The following FMNL2 variants were observed in gnomAD, a reference collection of about 807,000 sequenced individuals.
FMNL2 encodes the protein formin-like protein 2.
FMNL2 carries 51 observed loss-of-function variants against 130.2 expected under a neutral mutation model. That is an observed-to-expected ratio of 0.39 (90% CI 0.31 to 0.49). The LOEUF is 0.49. FMNL2 is among the 20% of genes least tolerant of loss of function. The pLI, the probability that FMNL2 is intolerant of heterozygous loss-of-function variation, is 0.85. For synonymous variants in FMNL2, 465 were observed against 467.1 expected (o/e 1.00, Z 0.06); for missense variants, 977 against 1,316.2 (o/e 0.74, Z 3.99).
At chr2:152,540,352 C>T (rs1694242141) in intron 2 of FMNL2, among the ~76,000 whole-genome samples, 2 of 152,056 alleles carry the variant, frequency 1.3e-5, no homozygotes. Context: ...AGTTTATACA[C>T]AGACACAGTG....
Position 152,619,146 on chromosome 2 carries a change from A to G in FMNL2, c.1615A>G (p.Thr539Ala). The change falls in exon 14 of 26, where the codon ACA becomes GCA. Residue 539 changes from threonine (T) to alanine (A), a missense_variant. Around this residue, in one of 4 missense-constraint regions of FMNL2, gnomAD observed 689 missense variants for 995.9 expected, o/e 0.69. Transcript: ENST00000288670. Reference sequence around the variant, plus strand: ...ACCACCACTGCCTCCCTCATCAGACACACCTGAAACAGGTAAGAAGCCTTG... The same window carrying G: ...ACCACCACTGCCTCCCTCATCAGACGCACCTGAAACAGGTAAGAAGCCTTG... ...PPPPLPPSSD[T>A]PETVQNGPVT... 1 of 1,558,154 alleles carries G rather than the reference A, an allele frequency of 6.4e-7. No individual in the cohort carries two copies. Among genetic ancestry groups the G allele is most frequent in the Non-Finnish European group, 8.7e-7 (1 of 1,155,680 alleles).
At chr2:152,550,409 C>A (rs1280994282) in intron 4 of FMNL2, among the ~76,000 whole-genome samples, 2 of 152,042 alleles carry the variant, frequency 1.3e-5, no homozygotes, top group East Asian at 1.9e-4. Context: ...GGCTATAGAA[C>A]AAAGAATCAT....
Position 152,335,657 on chromosome 2 carries a change from C to G in FMNL2, c.54C>G (p.Asn18Lys). Residue 18 changes from asparagine to lysine, a missense_variant, in exon 1 of 26, where the codon AAC becomes AAG. Asn to Lys is a moderately conservative substitution (Grantham distance 94, BLOSUM62 0). Coordinates refer to ENST00000288670, the MANE Select transcript of FMNL2 (RefSeq NM_052905.4). The part of the protein sequence containing the change: ...DSQQTDFRAH[N>K]VPLKLPMPEP... ...AGCAGACCGATTTCAGGGCGCACAA[C>G]GTGCCTTTGAAGCTGCCGATGCCAG... The G allele has an allele frequency of 1.3e-6, 2 of 1,594,288 alleles. No individual in the cohort carries two copies.
chr2:152,443,857 G>C (rs1297093840), intron 1 of FMNL2, among the ~76,000 whole-genome samples: 10 of 151,308 alleles, frequency 6.6e-5, no homozygotes, highest in Non-Finnish European at 1.3e-4. Flanking sequence ...AAGAAAAAAA[G>C]AAAAAAAAGG....
At chr2:152,357,727 A>G (rs1379898811) in intron 1 of FMNL2, among the ~76,000 whole-genome samples, 1 of 152,206 alleles carries the variant, frequency 6.6e-6, no homozygotes, top group Non-Finnish European at 1.5e-5. Flanking sequence ...AGAAACATAC[A>G]TAGCACAGTT....
At chr2:152,356,864 A>T (rs1426490974) in intron 1 of FMNL2, among the ~76,000 whole-genome samples, 1 of 151,600 alleles carries the variant, frequency 6.6e-6, no homozygotes, top group Non-Finnish European at 1.5e-5. Flanking sequence ...GTATATTGGT[A>T]AGCTTCTTTC....
At chr2:152,486,705 G>A (rs961673444) in intron 1 of FMNL2, among the ~76,000 whole-genome samples, 2 of 152,218 alleles carry the variant, frequency 1.3e-5, no homozygotes, top group African/African-American at 4.8e-5. Context: ...AGAGGATTAA[G>A]AGGCTTGAAC....
intron 2 of FMNL2, among the ~76,000 whole-genome samples, chr2:152,537,239 T>G (rs1407113962): frequency 6.6e-6 from 1 of 152,214 alleles, no homozygotes; most frequent in East Asian, 1.9e-4. Flanking sequence ...AGCCCGTCAC[T>G]TAGTTCTTTT....
chr2:152,356,943 T>TTACA (rs1553866286), intron 1 of FMNL2, among the ~76,000 whole-genome samples: 1 of 148,102 alleles, frequency 6.8e-6, no homozygotes, highest in East Asian at 2.0e-4. Context: ...ATAATATATA[T>TTACA]TAAGTAATAT....
chr2:152,441,971 C>G (rs1271714407), intron 1 of FMNL2, among the ~76,000 whole-genome samples: 2 of 151,926 alleles, frequency 1.3e-5, no homozygotes, highest in African/African-American at 4.8e-5. Context: ...CAGTGTGTGT[C>G]TGTGTGTGTT....
chr2:152,582,740 A>T (rs1473357003), intron 9 of FMNL2, among the ~76,000 whole-genome samples: 1 of 152,222 alleles, frequency 6.6e-6, no homozygotes, highest in Non-Finnish European at 1.5e-5. Context: ...AAAGAGAAAC[A>T]GTATGTGCAG....
chr2:152,414,277 T>G (rs1210045083), intron 1 of FMNL2, among the ~76,000 whole-genome samples: 1 of 152,180 alleles, frequency 6.6e-6, no homozygotes, highest in Non-Finnish European at 1.5e-5. Context: ...ACCTCTTTGT[T>G]TTTTGTATAT....
At chr2:152,581,647 G>C (rs780565222) in intron 9 of FMNL2, among the ~76,000 whole-genome samples, 2 of 152,112 alleles carry the variant, frequency 1.3e-5, no homozygotes, top group Non-Finnish European at 2.9e-5. Flanking sequence ...CCCTGCCCCA[G>C]TGTATCCAAA....
chr2:152,407,707 C>T (rs546426513), intron 1 of FMNL2, among the ~76,000 whole-genome samples: 2 of 152,282 alleles, frequency 1.3e-5, no homozygotes, highest in East Asian at 1.9e-4. Context: ...AATGAGAGTA[C>T]AATTTCATGG....
chr2:152,464,349 T>G (rs902934504), intron 1 of FMNL2, among the ~76,000 whole-genome samples: 3 of 152,246 alleles, frequency 2.0e-5, no homozygotes, highest in African/African-American at 7.2e-5. Context: ...TGGCTGGCTT[T>G]AAACATGTTC....
At chr2:152,549,197 T>A in intron 4 of FMNL2, 100 bp downstream of exon 4, 1 of 759,700 alleles carries the variant, frequency 1.3e-6, no homozygotes. Context: ...TGGGCCATTA[T>A]AAATTAAAAG....
At chr2:152,629,594 A>T in intron 18 of FMNL2, 62 bp from the exon 19 acceptor site, 1 of 1,455,396 alleles carries the variant, frequency 6.9e-7, no homozygotes, top group South Asian at 1.2e-5. Flanking sequence ...TTTACTTGCC[A>T]ATTAGTTTCC....
chr2:152,648,066 C>T lies in FMNL2; in HGVS notation c.*161C>T, dbSNP rs1456374963. 3 of 618,172 alleles carry T rather than the reference C, an allele frequency of 4.9e-6. No individual in the cohort carries two copies. Among genetic ancestry groups the T allele is most frequent in the African/African-American group, 1.9e-5 (1 of 53,248 alleles). 38.3% of individuals were successfully genotyped at this position (618,172 alleles called of 1,614,324 possible). Reference sequence around the variant, plus strand: ...AGAATTTTAAAATGAGCTCTCCTTTCAACCCTTGTTAACAAGTGCCTAAAA... The same window carrying T: ...AGAATTTTAAAATGAGCTCTCCTTTTAACCCTTGTTAACAAGTGCCTAAAA... On this transcript the variant is annotated 3_prime_UTR_variant, in exon 26 of 26. Coordinates refer to ENST00000288670, the MANE Select transcript of FMNL2 (RefSeq NM_052905.4).
At chr2:152,583,486 T>C (rs1696901168) in intron 9 of FMNL2, among the ~76,000 whole-genome samples, 1 of 152,110 alleles carries the variant, frequency 6.6e-6, no homozygotes, top group Admixed American at 6.5e-5. Flanking sequence ...TCACACAAGG[T>C]GGTTTGGGGC....
Sources: gnomAD v4.1 joint callset for allele counts (sites outside exome capture counted in the v4.1 genomes callset) on GRCh38, gnomAD v4.1.1 for gene constraint, gnomAD v4.1.1 regional missense constraint, MANE v1.5 for transcripts, NCBI Gene and HGNC (gene_info 2026-07-23, HGNC 2026-07-21) for gene names.